The following CDC42BPB variants were observed in gnomAD, a reference collection of about 807,000 sequenced individuals.
The protein encoded by CDC42BPB is serine/threonine-protein kinase MRCK beta.
A neutral mutation model predicts 214.9 loss-of-function variants in CDC42BPB; 37 were observed. The observed-to-expected ratio is 0.17, with a 90% CI of 0.13 to 0.23. The LOEUF (loss-of-function observed/expected upper bound fraction) is 0.23, where lower values mean the gene tolerates loss of function less well. Ranked by LOEUF, CDC42BPB falls within the 10% of genes least tolerant of loss-of-function variation. The pLI is 1.00. For synonymous variants in CDC42BPB, 931 were observed against 884.0 expected (o/e 1.05, Z -0.94); for missense variants, 1,694 against 2,227.0 (o/e 0.76, Z 4.82).
Position 102,978,867 on chromosome 14 carries a change from T to C in CDC42BPB, c.1141-662A>G, listed in dbSNP as rs1200303734. Among the ~76,000 whole-genome samples, 6 of 152,146 alleles carry C rather than the reference T, an allele frequency of 3.9e-5. No homozygotes were observed. The East Asian group carries it at 1.2e-3, about 29-fold the overall frequency. On this transcript the variant is annotated intron_variant, in intron 8 of 36. Coordinates refer to ENST00000361246, the MANE Select transcript of CDC42BPB (RefSeq NM_006035.4). ...ACTAAAAATACAAAAATTAGCTGGA[T>C]GTGGCAGCACGTGCCTGTAATCCCA...
chr14:102,975,817 A>G lies in CDC42BPB; in HGVS notation c.1388-14T>C. The G allele has an allele frequency of 6.2e-7, 1 of 1,614,054 alleles. No individual in the cohort carries two copies. The highest frequency in any genetic ancestry group is 8.5e-7 in the Non-Finnish European group (1 of 1,179,956). Reference sequence around the variant, plus strand: ...TCTGGGTGGACTCTGAGGGATGGAGAGACAGCGTGAGGTGCAGCCTGGCCG... The same window carrying G: ...TCTGGGTGGACTCTGAGGGATGGAGGGACAGCGTGAGGTGCAGCCTGGCCG... On this transcript the variant is annotated splice_polypyrimidine_tract_variant and intron_variant, in intron 10 of 36. Coordinates refer to ENST00000361246, the MANE Select transcript of CDC42BPB (RefSeq NM_006035.4).
intron 24 of CDC42BPB, among the ~76,000 whole-genome samples, chr14:102,952,049 T>TA (rs1299204993): frequency 6.6e-6 from 1 of 152,010 alleles, no homozygotes; most frequent in Non-Finnish European, 1.5e-5. Flanking sequence ...TGAGGATTTG[T>TA]AAAAATAAAC....
At chr14:103,022,655 G>A (rs1054787083) in intron 1 of CDC42BPB, among the ~76,000 whole-genome samples, 4 of 152,210 alleles carry the variant, frequency 2.6e-5, no homozygotes, top group Non-Finnish European at 5.9e-5. Context: ...AACTGATCCA[G>A]CTGTTAGGGG....
At chr14:103,031,954 C>T (rs1887399758) in intron 1 of CDC42BPB, among the ~76,000 whole-genome samples, 1 of 151,872 alleles carries the variant, frequency 6.6e-6, no homozygotes, top group Non-Finnish European at 1.5e-5. Context: ...CAGTGAACAA[C>T]TACTATAAGA....
chr14:102,946,233 C>T (rs1055617011), intron 28 of CDC42BPB, among the ~76,000 whole-genome samples: 1 of 152,000 alleles, frequency 6.6e-6, no homozygotes, highest in African/African-American at 2.4e-5. Flanking sequence ...CCGTGTTAGC[C>T]AGGATGGTCT....
Position 103,026,202 on chromosome 14 carries a change from C to T in CDC42BPB, c.176-14014G>A, listed in dbSNP as rs144853194. On this transcript the variant is annotated intron_variant, in intron 1 of 36. Transcript: ENST00000361246. The stretch of plus-strand genomic sequence containing the variant: ...CATGAGGTCAAAAGATCAAGACCAT[C>T]CTGGCCAACATGGTGAAACCCCGTC... Among the ~76,000 whole-genome samples the T allele has an allele frequency of 8.1e-3, 1,227 of 151,988 alleles. 12 individuals carry two copies. The highest frequency in any genetic ancestry group is 9.6e-3 in the Non-Finnish European group (653 of 67,958).
intron 1 of CDC42BPB, among the ~76,000 whole-genome samples, chr14:103,024,537 T>C (rs1213575305): frequency 6.6e-6 from 1 of 152,218 alleles, no homozygotes; most frequent in Non-Finnish European, 1.5e-5. Context: ...TAATTAGTAA[T>C]TTGGGGAATT....
intron 1 of CDC42BPB, among the ~76,000 whole-genome samples, chr14:103,023,463 G>A (rs1418716052): frequency 6.6e-6 from 1 of 152,020 alleles, no homozygotes; most frequent in Non-Finnish European, 1.5e-5. Context: ...CACCATGCCT[G>A]GCAGTGGCTA....
chr14:102,946,736 G>T (rs375772386), intron 27 of CDC42BPB, 52 bp from the exon 28 acceptor site: 86 of 1,596,768 alleles, frequency 5.4e-5, no homozygotes, highest in Admixed American at 8.5e-5. Context: ...CGCCAAAGCC[G>T]CACGCAGCTA....
chr14:103,006,033 A>T lies in CDC42BPB; in HGVS notation c.352-2010T>A, dbSNP rs560612211. The stretch of plus-strand genomic sequence containing the variant: ...GACGTCTCAAAAAAAAAAAAAAAAA[A>T]AAGATGGCTGTTGCAGCTGTGTCCC... On this transcript the variant is annotated intron_variant, in intron 3 of 36. Transcript: ENST00000361246. Among the ~76,000 whole-genome samples the T allele has an allele frequency of 4.3e-4, 65 of 152,150 alleles. 1 individual carries two copies. The East Asian group carries it at 9.1e-3, about 21-fold the overall frequency.
intron 5 of CDC42BPB, among the ~76,000 whole-genome samples, chr14:102,987,156 G>A (rs934775838): frequency 2.6e-5 from 4 of 152,142 alleles, no homozygotes; most frequent in Admixed American, 6.5e-5. Context: ...GCTGCAAACC[G>A]CCCCATACCC....
chr14:103,054,323 G>A (rs1462841731), intron 1 of CDC42BPB, among the ~76,000 whole-genome samples: 1 of 152,188 alleles, frequency 6.6e-6, no homozygotes, highest in Admixed American at 6.5e-5. Flanking sequence ...GCAAGATTTG[G>A]GAAGTGGGGA....
chr14:102,939,841 C>T lies in CDC42BPB; in HGVS notation c.4698G>A (p.Leu1566=), dbSNP rs1169902374. The T allele has an allele frequency of 3.7e-6, 6 of 1,613,970 alleles. No homozygotes were observed. Among genetic ancestry groups the T allele is most frequent in the Middle Eastern group, 1.6e-4 (1 of 6,084 alleles). Residue 1566 remains leucine, a synonymous_variant, in exon 33 of 37, where the codon CTG becomes CTA. Transcript: ENST00000361246. Reference sequence around the variant, plus strand: ...GGCCCCGCTCCTACCGCCTCTGCTGCAGTCTCTCTTCCTCTGGGACCTTGA... The same window carrying T: ...GGCCCCGCTCCTACCGCCTCTGCTGTAGTCTCTCTTCCTCTGGGACCTTGA... The part of the protein sequence containing the change: ...FVFKVPEEER[L]QQRREMLRDP...
intron 1 of CDC42BPB, among the ~76,000 whole-genome samples, chr14:103,046,376 T>C (rs1566925600): frequency 6.6e-6 from 1 of 152,120 alleles, no homozygotes; most frequent in Non-Finnish European, 1.5e-5. Flanking sequence ...GTCGGCCCTA[T>C]GCATACAGGG....
chr14:103,044,343 G>T (rs917096869), intron 1 of CDC42BPB, among the ~76,000 whole-genome samples: 1 of 150,286 alleles, frequency 6.7e-6, no homozygotes, highest in African/African-American at 2.5e-5. Flanking sequence ...TGAACTACAG[G>T]TGCACACCAA....
intron 6 of CDC42BPB, among the ~76,000 whole-genome samples, chr14:102,985,960 C>T (rs529079207): frequency 2.0e-4 from 30 of 152,204 alleles, no homozygotes; most frequent in Non-Finnish European, 3.7e-4. Flanking sequence ...ATAGCCGATC[C>T]GGGGGCAACC....
intron 1 of CDC42BPB, among the ~76,000 whole-genome samples, chr14:103,045,426 C>A (rs1225655218): frequency 6.6e-6 from 1 of 152,186 alleles, no homozygotes; most frequent in African/African-American, 2.4e-5. Context: ...AACAGCCCCA[C>A]ATCACGTGGT....
chr14:103,030,834 A>C (rs1273075620), intron 1 of CDC42BPB, among the ~76,000 whole-genome samples: 1 of 152,080 alleles, frequency 6.6e-6, no homozygotes, highest in Non-Finnish European at 1.5e-5. Context: ...AAAATTCACA[A>C]AAATTAGGTC....
At chr14:102,977,064 G>A (rs762648563) in intron 9 of CDC42BPB, among the ~76,000 whole-genome samples, 3 of 152,098 alleles carry the variant, frequency 2.0e-5, no homozygotes, top group African/African-American at 4.8e-5. Flanking sequence ...GATATCAGCC[G>A]GGCGCGGTGG....
Sources: gnomAD v4.1 joint callset for allele counts (sites outside exome capture counted in the v4.1 genomes callset) on GRCh38, gnomAD v4.1.1 for gene constraint, MANE v1.5 for transcripts, NCBI Gene and HGNC (gene_info 2026-07-23, HGNC 2026-07-21) for gene names.